The following IL22RA2 variants were observed in gnomAD, a reference collection of about 807,000 sequenced individuals.
IL22RA2 encodes the protein interleukin 22 receptor subunit alpha 2, also known as interleukin-22 receptor subunit alpha-2.
In IL22RA2, 39 loss-of-function variants were observed where a neutral mutation model predicts 30.7. That is an observed-to-expected ratio of 1.27 (90% confidence interval 0.98 to 1.66). The LOEUF (loss-of-function observed/expected upper bound fraction) is 1.66, where lower values mean the gene tolerates loss of function less well. Ranked by LOEUF, IL22RA2 falls within the 40% of genes most tolerant of loss-of-function variation. The pLI is 0.00. For synonymous variants in IL22RA2, 103 were observed against 105.0 expected (o/e 0.98, Z 0.11); for missense variants, 315 against 312.7 (o/e 1.01, Z -0.05).
intron 1 of IL22RA2, among the ~76,000 whole-genome samples, chr6:137,173,018 C>T (rs995255870): frequency 2.0e-5 from 3 of 152,120 alleles, no homozygotes; most frequent in African/African-American, 7.2e-5. Context: ...GTTTATTATA[C>T]TCTACTTTTG....
At position 137,161,885 on chromosome 6, in the gene IL22RA2, T is replaced by C. The variant is rs1778529117; in HGVS notation, c.-65-71A>G. ...TGGTTCCTTGAAGCAACTACAATTT[T>C]ATTTTGATACTACATTATATTATTT... On this transcript the variant is annotated intron_variant, in intron 1 of 6. Transcript: ENST00000296980. 8.4e-5 allele frequency: 47 copies of C among 561,698 alleles called. 1 individual carries two copies. In the South Asian group the frequency reaches 1.3e-3, roughly 15 times the overall value. The allele number at this position is 561,698 out of a possible 1,614,324, so 34.8% of individuals were successfully genotyped here.
chr6:137,150,257 G>A (rs764065929), intron 5 of IL22RA2, among the ~76,000 whole-genome samples: 2 of 152,038 alleles, frequency 1.3e-5, no homozygotes, highest in Non-Finnish European at 2.9e-5. Flanking sequence ...AACTAGAAAC[G>A]TGCTTTTTTG....
chr6:137,158,264 T>A, intron 3 of IL22RA2, 83 bp downstream of exon 3: 6 of 1,526,784 alleles, frequency 3.9e-6, no homozygotes, highest in Non-Finnish European at 5.4e-6. Context: ...GAAAAAAAGC[T>A]CGGATCCTAA....
At chr6:137,152,185 C>T (rs71560624) in intron 5 of IL22RA2, among the ~76,000 whole-genome samples, 5 of 151,710 alleles carry the variant, frequency 3.3e-5, no homozygotes, top group Non-Finnish European at 5.9e-5. Flanking sequence ...TGCGCTCCAG[C>T]CCAGGTGACA....
At chr6:137,158,045 C>T (rs907100666) in intron 3 of IL22RA2, among the ~76,000 whole-genome samples, 2 of 152,158 alleles carry the variant, frequency 1.3e-5, no homozygotes, top group Non-Finnish European at 2.9e-5. Context: ...CCAACATTCG[C>T]CTGACAAATC....
intron 4 of IL22RA2, among the ~76,000 whole-genome samples, chr6:137,156,174 T>C (rs1778402095): frequency 2.0e-5 from 3 of 152,164 alleles, no homozygotes; most frequent in African/African-American, 7.2e-5. Context: ...GGCCACAGGA[T>C]GGTGTAATAG....
At chr6:137,147,941 A>G (rs1367014881) in intron 5 of IL22RA2, 50 bp from the exon 6 acceptor site, 2 of 1,486,130 alleles carry the variant, frequency 1.3e-6, no homozygotes, top group Non-Finnish European at 1.9e-6. Flanking sequence ...AATGTATTAT[A>G]TACAGACGCA....
chr6:137,156,728 G>A, intron 4 of IL22RA2, 31 bp downstream of exon 4: 3 of 1,605,406 alleles, frequency 1.9e-6, no homozygotes, highest in Non-Finnish European at 2.6e-6. Context: ...AACACCTGAG[G>A]CTAGGTAATT....
Position 137,160,917 on chromosome 6 carries a change from T to C in IL22RA2, c.61+772A>G, listed in dbSNP as rs182634293. Among the ~76,000 whole-genome samples the C allele has an allele frequency of 1.2e-3, 185 of 152,378 alleles. 6 individuals are homozygous for C. In the South Asian group the frequency reaches 0.02, roughly 17 times the overall value. On this transcript the variant is annotated intron_variant, in intron 2 of 6. Transcript: ENST00000296980. ...CCAAACACTTCTGGAAGATGAAGGC[T>C]TGAATTGCTTTTATGTATTAGTCAC...
chr6:137,155,184 C>T (rs1778378731), intron 4 of IL22RA2, 65 bp from the exon 5 acceptor site: 1 of 1,231,362 alleles, frequency 8.1e-7, no homozygotes, highest in Non-Finnish European at 1.1e-6. Context: ...TCAGTATTTT[C>T]AGACTAATAA....
intron 4 of IL22RA2, among the ~76,000 whole-genome samples, chr6:137,156,015 C>A (rs868591462): frequency 1.6e-4 from 25 of 152,266 alleles, no homozygotes; most frequent in South Asian, 8.3e-4. Flanking sequence ...GCCTACCCAA[C>A]ATACATGATT....
rs1450947528 is a variant in IL22RA2 at position 137,147,910 on chromosome 6, A to T, written c.473-19T>A. 6.3e-7 allele frequency: 1 copy of T among 1,592,468 alleles called. No individual in the cohort carries two copies. The highest frequency in any genetic ancestry group is 8.6e-7 in the Non-Finnish European group (1 of 1,164,782). On this transcript the variant is annotated intron_variant, in intron 5 of 6. Transcript: ENST00000296980. Reference sequence around the variant, plus strand: ...ATTTTTGCTGAAGAAAAAACATAAAAATTTGACAAATCATCAAAGGAATGT... The same window carrying T: ...ATTTTTGCTGAAGAAAAAACATAAATATTTGACAAATCATCAAAGGAATGT...
intron 1 of IL22RA2, among the ~76,000 whole-genome samples, chr6:137,164,148 C>T (rs1022842581): frequency 1.3e-5 from 2 of 152,152 alleles, no homozygotes; most frequent in African/African-American, 4.8e-5. Flanking sequence ...TGCTGAAAAA[C>T]TTTAAAAAAA....
At chr6:137,172,948 A>T (rs1205961012) in intron 1 of IL22RA2, among the ~76,000 whole-genome samples, 1 of 152,206 alleles carries the variant, frequency 6.6e-6, no homozygotes. Flanking sequence ...AAAATAATAC[A>T]AAGGCCTGGG....
At chr6:137,146,900 G>A (rs539973206) in intron 6 of IL22RA2, among the ~76,000 whole-genome samples, 1 of 152,200 alleles carries the variant, frequency 6.6e-6, no homozygotes, top group African/African-American at 2.4e-5. Flanking sequence ...GGAGGCTGAG[G>A]TGGGAGGATC....
chr6:137,145,833 T>G (rs551404833), intron 6 of IL22RA2, 60 bp from the exon 7 acceptor site: 1 of 1,588,634 alleles, frequency 6.3e-7, no homozygotes, highest in Non-Finnish European at 8.6e-7. Context: ...CACAGCTGCA[T>G]TTTTGTTTAA....
intron 1 of IL22RA2, among the ~76,000 whole-genome samples, chr6:137,171,219 A>G (rs1245236400): frequency 6.6e-6 from 1 of 152,246 alleles, no homozygotes; most frequent in Non-Finnish European, 1.5e-5. Flanking sequence ...GCAGCAGATA[A>G]GAGAGACATT....
intron 1 of IL22RA2, among the ~76,000 whole-genome samples, chr6:137,172,695 G>A (rs1026997399): frequency 1.3e-5 from 2 of 152,188 alleles, no homozygotes; most frequent in East Asian, 1.9e-4. Flanking sequence ...CGGTGACAAC[G>A]GGTATTTCCA....
chr6:137,156,792 G>T lies in IL22RA2; in HGVS notation c.260C>A (p.Ser87Tyr). 1 of 1,613,944 alleles carries T rather than the reference G, an allele frequency of 6.2e-7. No individual in the cohort carries two copies. Among genetic ancestry groups the T allele is most frequent in the Non-Finnish European group, 8.5e-7 (1 of 1,179,834 alleles). The change falls in exon 4 of 7, where the codon TCT becomes TAT. Residue 87 changes from serine (S) to tyrosine (Y), a missense_variant. By Grantham distance (144) the Ser-to-Tyr change is moderately radical (BLOSUM62 -2). Transcript: ENST00000296980. The stretch of plus-strand genomic sequence containing the variant: ...TGTTCTGCAGCCTGGGAAGTTACAA[G>T]AAATGTGCTGCCAGCATCCACTTGG... Reference protein sequence around the residue: ...QKPSGCWQHISCNFPGCRTLA... With the variant: ...QKPSGCWQHIYCNFPGCRTLA...
Sources: allele counts gnomAD v4.1 joint callset (sites outside exome capture counted in the v4.1 genomes callset), GRCh38; gene constraint gnomAD v4.1.1; transcripts MANE v1.5; gene names NCBI Gene and HGNC (gene_info 2026-07-23, HGNC 2026-07-21).